The following CNTNAP5 variants were observed in gnomAD, a reference collection of about 807,000 sequenced individuals.
CNTNAP5 encodes contactin associated protein family member 5, also known as contactin-associated protein-like 5.
Under a neutral mutation model 150.2 loss-of-function variants are expected in CNTNAP5, and 72 were observed. The observed-to-expected ratio is 0.48, with a 90% CI of 0.40 to 0.58. The LOEUF is 0.58. CNTNAP5 is among the 20% of genes least tolerant of loss of function. CNTNAP5 has a pLI of 0.00. For missense variants in CNTNAP5, 1,636 were observed against 1,626.2 expected (o/e 1.01, Z -0.10); for synonymous variants, 672 against 619.8 (o/e 1.08, Z -1.25).
chr2:124,597,214 G>A (rs1696848797), intron 11 of CNTNAP5, among the ~76,000 whole-genome samples: 1 of 149,042 alleles, frequency 6.7e-6, no homozygotes, highest in Non-Finnish European at 1.5e-5. Context: ...TTGCTCGTTA[G>A]TTGATGCAGT....
At chr2:124,829,013 T>A (rs1021916078) in intron 19 of CNTNAP5, among the ~76,000 whole-genome samples, 2 of 152,022 alleles carry the variant, frequency 1.3e-5, no homozygotes, top group Non-Finnish European at 2.9e-5. Flanking sequence ...GTACCTCTGG[T>A]CATAGATTAC....
chr2:124,258,425 C>T (rs1010194952), intron 3 of CNTNAP5, among the ~76,000 whole-genome samples: 7 of 152,088 alleles, frequency 4.6e-5, no homozygotes, highest in East Asian at 1.9e-4. Context: ...GTGAATATGT[C>T]GTATAAATGG....
At chr2:124,522,340 A>G (rs914937262) in intron 8 of CNTNAP5, among the ~76,000 whole-genome samples, 2 of 152,182 alleles carry the variant, frequency 1.3e-5, no homozygotes, top group African/African-American at 4.8e-5. Context: ...TTGCATTTTC[A>G]CTGCTGCTAC....
At chr2:124,392,484 T>C (rs1194864671) in intron 3 of CNTNAP5, among the ~76,000 whole-genome samples, 1 of 151,940 alleles carries the variant, frequency 6.6e-6, no homozygotes, top group Non-Finnish European at 1.5e-5. Flanking sequence ...GAGACAGAGC[T>C]ATAATGTATT....
chr2:124,086,958 A>G (rs907527041), intron 1 of CNTNAP5, among the ~76,000 whole-genome samples: 1 of 151,682 alleles, frequency 6.6e-6, no homozygotes, highest in Non-Finnish European at 1.5e-5. Flanking sequence ...GTGCTTTTGA[A>G]TACATCTTTT....
intron 21 of CNTNAP5, among the ~76,000 whole-genome samples, chr2:124,889,176 G>T (rs1678142906): frequency 7.3e-6 from 1 of 136,838 alleles, no homozygotes; most frequent in Non-Finnish European, 1.5e-5. Context: ...TCAGCTTACT[G>T]CAACCTCTGC....
chr2:124,839,111 CCT>C (rs1682890045), intron 19 of CNTNAP5, among the ~76,000 whole-genome samples: 1 of 152,016 alleles, frequency 6.6e-6, no homozygotes, highest in African/African-American at 2.4e-5. Context: ...GGTGAGCTGA[CCT>C]CTGAGAGTGG....
At chr2:124,226,878 C>T (rs908396707) in intron 2 of CNTNAP5, among the ~76,000 whole-genome samples, 4 of 151,946 alleles carry the variant, frequency 2.6e-5, no homozygotes, top group Non-Finnish European at 4.4e-5. Flanking sequence ...GCTCAGGTCC[C>T]TCTCCTTCAT....
intron 7 of CNTNAP5, among the ~76,000 whole-genome samples, chr2:124,489,795 G>A (rs1295533835): frequency 1.3e-5 from 2 of 152,100 alleles, no homozygotes; most frequent in Non-Finnish European, 2.9e-5. Context: ...CTGCATGCCA[G>A]GCTGCAGAAG....
intron 19 of CNTNAP5, among the ~76,000 whole-genome samples, chr2:124,805,751 A>C (rs1029305359): frequency 3.9e-5 from 6 of 152,234 alleles, no homozygotes; most frequent in Non-Finnish European, 8.8e-5. Flanking sequence ...TGGAAGTCCA[A>C]GTTCAAGGTA....
intron 13 of CNTNAP5, among the ~76,000 whole-genome samples, chr2:124,698,375 TACACACACACACACACAC>T (rs59897587): frequency 6.8e-6 from 1 of 147,326 alleles, no homozygotes; most frequent in Admixed American, 6.8e-5. Context: ...GACGAGAGGA[TACACACACACACACACAC>T]ACACACACAC....
In CNTNAP5 at chr2:124,242,392, G is replaced by T. The variant is rs377465900; in HGVS notation, c.380G>T (p.Trp127Leu). ...CAGTACAAACAAGAAGACAGCATCT[G>T]GGTAGGACATCTTTTTCCTTCCAAT... ...WKQYKQEDSI[W>L]TFAGNMNADS... is the part of the protein sequence containing the mutation. Residue 127 changes from tryptophan (W) to leucine (L), a missense_variant and splice_region_variant, in exon 3 of 24, where the codon TGG becomes TTG. Transcript: ENST00000682447. 3.7e-6 allele frequency: 6 copies of T among 1,611,820 alleles called. No individual in the cohort carries two copies. Among genetic ancestry groups the T allele is most frequent in the Admixed American group, 1.7e-5 (1 of 59,732 alleles).
At chr2:124,827,239 C>T (rs185931391) in intron 19 of CNTNAP5, among the ~76,000 whole-genome samples, 34 of 152,160 alleles carry the variant, frequency 2.2e-4, no homozygotes, top group Non-Finnish European at 3.5e-4. Flanking sequence ...AGATTCTTCC[C>T]GCTAGAAAAC....
At chr2:124,904,404 C>T (rs936652123) in intron 22 of CNTNAP5, among the ~76,000 whole-genome samples, 3 of 151,758 alleles carry the variant, frequency 2.0e-5, no homozygotes, top group Middle Eastern at 3.2e-3. Flanking sequence ...CATATCTTGG[C>T]GATTGTGAAT....
At position 124,707,064 on chromosome 2, in the gene CNTNAP5, G is replaced by GGAAGAGGAAGAAGAA. The variant is rs1304317891; in HGVS notation, c.2078-40132_2078-40118dup. ...AAGGAGGAGGAGGAGGAGGAGGAGA[G>GGAAGAGGAAGAAGAA]GAAGAGGAAGAAGAAGAAGAGGAAG... On this transcript the variant is annotated intron_variant, in intron 13 of 23. Coordinates refer to ENST00000682447, the MANE Select transcript of CNTNAP5 (RefSeq NM_001367498.1). 2.6e-4 allele frequency among the ~76,000 whole-genome samples: 25 copies of GGAAGAGGAAGAAGAA among 97,292 alleles called. 3 individuals are homozygous for GGAAGAGGAAGAAGAA. Among genetic ancestry groups the GGAAGAGGAAGAAGAA allele is most frequent in the Non-Finnish European group, 2.5e-4 (12 of 47,604 alleles). The allele number at this position is 97,292 out of a possible 152,430, so 63.8% of individuals were successfully genotyped here.
chr2:124,350,540 T>C (rs1689851810), intron 3 of CNTNAP5, among the ~76,000 whole-genome samples: 1 of 151,894 alleles, frequency 6.6e-6, no homozygotes, highest in Admixed American at 6.6e-5. Flanking sequence ...CTTCAATAAA[T>C]TTACTCAAAT....
chr2:124,240,469 A>C (rs1437690517), intron 2 of CNTNAP5, among the ~76,000 whole-genome samples: 6 of 152,162 alleles, frequency 3.9e-5, no homozygotes, highest in Non-Finnish European at 8.8e-5. Flanking sequence ...GAAAGCTGAA[A>C]ACTGCCATTA....
intron 1 of CNTNAP5, among the ~76,000 whole-genome samples, chr2:124,036,801 T>C (rs910388444): frequency 6.6e-6 from 1 of 152,222 alleles, no homozygotes; most frequent in African/African-American, 2.4e-5. Flanking sequence ...AGGCTGAGGA[T>C]ATACTGGCTT....
chr2:124,306,097 A>G (rs1573904609), intron 3 of CNTNAP5, among the ~76,000 whole-genome samples: 1 of 152,240 alleles, frequency 6.6e-6, no homozygotes, highest in East Asian at 1.9e-4. Flanking sequence ...ATTGCATTTG[A>G]CAGAACCACA....
Sources: gnomAD v4.1 joint callset for allele counts (sites outside exome capture counted in the v4.1 genomes callset) on GRCh38, gnomAD v4.1.1 for gene constraint, MANE v1.5 for transcripts, NCBI Gene and HGNC (gene_info 2026-07-23, HGNC 2026-07-21) for gene names.